The following GRM8 variants were observed in gnomAD, a reference collection of about 807,000 sequenced individuals.
GRM8 encodes the protein metabotropic glutamate receptor 8.
GRM8 carries 47 observed loss-of-function variants against 87.2 expected under a neutral mutation model. The ratio of observed to expected loss-of-function variants is 0.54; its 90% CI spans 0.43 to 0.69. GRM8 has a LOEUF of 0.69. Among genes scored for constraint, GRM8 ranks in the 30% least tolerant of loss-of-function variants. The pLI, the probability that GRM8 is intolerant of heterozygous loss-of-function variation, is 0.00. For synonymous variants in GRM8, 396 were observed against 404.5 expected, an observed-to-expected ratio of 0.98 and a Z score of 0.25; for missense variants, 1,019 against 1,139.2, an observed-to-expected ratio of 0.89 and a Z score of 1.52.
chr7:126,970,730 T>C (rs533143749), intron 3 of GRM8, among the ~76,000 whole-genome samples: 1 of 152,288 alleles, frequency 6.6e-6, no homozygotes, highest in Non-Finnish European at 1.5e-5. Context: ...TTTCAGTCTG[T>C]CTCAGCTTTC....
intron 3 of GRM8, among the ~76,000 whole-genome samples, chr7:127,073,187 G>T (rs975896180): frequency 1.3e-5 from 2 of 152,274 alleles, no homozygotes; most frequent in Admixed American, 1.3e-4. Context: ...TCTAAGTACT[G>T]GAGGGACCTA....
At chr7:126,689,556 A>G (rs1808579213) in intron 7 of GRM8, among the ~76,000 whole-genome samples, 3 of 152,172 alleles carry the variant, frequency 2.0e-5, no homozygotes, top group Admixed American at 1.3e-4. Context: ...CATTCACTAG[A>G]TAACTGAAGA....
chr7:126,776,954 T>C (rs1232962164), intron 6 of GRM8, among the ~76,000 whole-genome samples: 2 of 152,134 alleles, frequency 1.3e-5, no homozygotes, highest in African/African-American at 2.4e-5. Context: ...ACAGAACAAA[T>C]ACCACTAAAC....
intron 2 of GRM8, among the ~76,000 whole-genome samples, chr7:127,238,594 T>C (rs1434424368): frequency 6.6e-6 from 1 of 152,250 alleles, no homozygotes; most frequent in South Asian, 2.1e-4. Flanking sequence ...CACCGTACAC[T>C]CGAGGTTGAG....
At chr7:127,039,271 C>T (rs1463065037) in intron 3 of GRM8, among the ~76,000 whole-genome samples, 1 of 151,946 alleles carries the variant, frequency 6.6e-6, no homozygotes, top group Non-Finnish European at 1.5e-5. Context: ...TATGACGGGC[C>T]CAGTCCAATA....
intron 9 of GRM8, among the ~76,000 whole-genome samples, chr7:126,529,412 A>G (rs1238472819): frequency 6.6e-6 from 1 of 152,224 alleles, no homozygotes; most frequent in Non-Finnish European, 1.5e-5. Flanking sequence ...GATGACTTTT[A>G]AAAGTAAGAA....
intron 3 of GRM8, among the ~76,000 whole-genome samples, chr7:126,959,303 A>G (rs565594644): frequency 6.6e-6 from 1 of 152,360 alleles, no homozygotes; most frequent in Admixed American, 6.5e-5. Context: ...ACAATTGACC[A>G]AACCAGACAT....
At chr7:127,220,689 A>G (rs1251950734) in intron 2 of GRM8, among the ~76,000 whole-genome samples, 2 of 152,024 alleles carry the variant, frequency 1.3e-5, no homozygotes, top group Non-Finnish European at 2.9e-5. Context: ...ATGTCTCAGT[A>G]TGTTGCCCAG....
intron 8 of GRM8, among the ~76,000 whole-genome samples, chr7:126,591,034 C>T (rs985848558): frequency 6.6e-6 from 1 of 151,818 alleles, no homozygotes; most frequent in Non-Finnish European, 1.5e-5. Flanking sequence ...ATCTCAATAC[C>T]AACATTGAAT....
At chr7:126,474,250 A>ATG (rs149228365) in intron 9 of GRM8, among the ~76,000 whole-genome samples, 11,574 of 149,036 alleles carry the variant, frequency 0.078, 675 homozygotes, top group African/African-American at 0.17. Flanking sequence ...ATGTTTGTGC[A>ATG]TGTGTGTGTG....
intron 6 of GRM8, among the ~76,000 whole-genome samples, chr7:126,774,974 G>C (rs1427221970): frequency 2.0e-5 from 3 of 151,980 alleles, no homozygotes; most frequent in Admixed American, 1.3e-4. Flanking sequence ...ATAAGCAGTT[G>C]GTCAATTCAA....
intron 7 of GRM8, among the ~76,000 whole-genome samples, chr7:126,647,918 C>T (rs1220428617): frequency 6.6e-6 from 1 of 152,118 alleles, no homozygotes; most frequent in Non-Finnish European, 1.5e-5. Flanking sequence ...TTACCTTAAT[C>T]AAAATTCTTC....
At chr7:127,139,021 C>A (rs950675035) in intron 2 of GRM8, among the ~76,000 whole-genome samples, 1 of 152,098 alleles carries the variant, frequency 6.6e-6, no homozygotes, top group African/African-American at 2.4e-5. Context: ...CAGATATATG[C>A]GACATGCCCA....
intron 2 of GRM8, 126 bp from the exon 3 acceptor site, chr7:127,106,838 G>T: frequency 1.5e-6 from 1 of 662,776 alleles, no homozygotes; most frequent in Non-Finnish European, 2.7e-6. Context: ...CCAAAATACA[G>T]TTTTATGACT....
At chr7:127,076,161 A>C in intron 3 of GRM8, 1 of 456,654 alleles carries the variant, frequency 2.2e-6, no homozygotes, top group Non-Finnish European at 4.4e-6. Flanking sequence ...TAGAAGCAGA[A>C]ATTGGTAAAC....
chr7:126,736,116 G>A (rs1814185738), intron 7 of GRM8, among the ~76,000 whole-genome samples: 1 of 152,036 alleles, frequency 6.6e-6, no homozygotes, highest in Non-Finnish European at 1.5e-5. Flanking sequence ...ACTCTAGTTA[G>A]TATGGGCAAC....
At chr7:127,109,110 A>C (rs1826096419) in intron 2 of GRM8, among the ~76,000 whole-genome samples, 1 of 152,170 alleles carries the variant, frequency 6.6e-6, no homozygotes, top group Non-Finnish European at 1.5e-5. Flanking sequence ...AAATTTTTTA[A>C]AGACCTGGAA....
chr7:126,855,277 T>A (rs1428389688), intron 6 of GRM8, among the ~76,000 whole-genome samples: 1 of 152,136 alleles, frequency 6.6e-6, no homozygotes, highest in Non-Finnish European at 1.5e-5. Context: ...TGGATACCAC[T>A]TTTGGATCAT....
chr7:127,180,895 TG>T (rs1428509827), intron 2 of GRM8, among the ~76,000 whole-genome samples: 1 of 151,872 alleles, frequency 6.6e-6, no homozygotes, highest in East Asian at 1.9e-4. Context: ...TAATACTAAA[TG>T]GGGAAAAGTT....
Sources: allele counts gnomAD v4.1 joint callset (sites outside exome capture counted in the v4.1 genomes callset), GRCh38; gene constraint gnomAD v4.1.1; transcripts MANE v1.5; gene names NCBI Gene and HGNC (gene_info 2026-07-23, HGNC 2026-07-21).